The following PFKFB3 variants were observed in gnomAD, a reference collection of about 807,000 sequenced individuals.
PFKFB3 encodes 6-phosphofructo-2-kinase/fructose-2,6-bisphosphatase 3.
Under a neutral mutation model 68.0 loss-of-function variants are expected in PFKFB3, and 33 were observed. The ratio of observed to expected loss-of-function variants is 0.49; its 90% CI spans 0.37 to 0.65. PFKFB3 has a LOEUF of 0.65. Among genes scored for constraint, PFKFB3 ranks in the 30% least tolerant of loss-of-function variants. The probability of loss-of-function intolerance (pLI) is 0.00; values close to 1 mark genes in which losing one functional copy is unlikely to be tolerated. For missense variants in PFKFB3, 586 were observed against 712.2 expected, an observed-to-expected ratio of 0.82 and a Z score of 2.02; for synonymous variants, 315 against 288.2, an observed-to-expected ratio of 1.09 and a Z score of -0.94.
downstream of PFKFB3, among the ~76,000 whole-genome samples, chr10:6,255,728 T>C (rs1405178174): frequency 1.3e-5 from 2 of 152,154 alleles, no homozygotes; most frequent in Admixed American, 1.3e-4. Context: ...ACAACAGCAG[T>C]CGGCTGGGGA....
chr10:6,220,717 A>G lies in PFKFB3; in HGVS notation c.683A>G (p.Gln228Arg), dbSNP rs1844894199. ...CGGAGGTTCCTGGTGAACCGGGTGC[A>G]GGACCACATCCAGAGCCGCATCGTG... The part of the protein sequence containing the change: ...VGRRFLVNRV[Q>R]DHIQSRIVYY... Residue 228 changes from glutamine (Q) to arginine (R), a missense_variant, in exon 8 of 15, where the codon CAG becomes CGG. Physicochemically the swap from Gln to Arg is conservative, Grantham distance 43 (BLOSUM62 1). Transcript: ENST00000379775. This position sits in a 1 kb window ranked among gnomAD's most constrained non-coding sequence, Gnocchi z 4.1. 1.2e-6 allele frequency: 2 copies of G among 1,614,108 alleles called. No individual in the cohort carries two copies. The highest frequency in any genetic ancestry group is 1.7e-6 in the Non-Finnish European group (2 of 1,180,026).
rs149236843 is a variant in PFKFB3 at position 6,150,893 on chromosome 10, G to A, written c.16+5880G>A. Among the ~76,000 whole-genome samples the A allele has an allele frequency of 5.7e-3, 863 of 152,142 alleles. 6 individuals carry two copies. The highest frequency in any genetic ancestry group is 0.041 in the South Asian group (199 of 4,818). ...GGGCACCTGTAATTTCAGCTATTCC[G>A]GAGGCTGAGGCAGGAGAACCGCTTG... On this transcript the variant is annotated intron_variant, in intron 1 of 14. Transcript: ENST00000379789.
chr10:6,193,430 T>A (rs1843085402), intron 1 of PFKFB3, among the ~76,000 whole-genome samples: 1 of 152,230 alleles, frequency 6.6e-6, no homozygotes, highest in Non-Finnish European at 1.5e-5. Flanking sequence ...AAACATTCAT[T>A]CATTCATTAA....
At chr10:6,231,247 C>G (rs989810789) in intron 14 of PFKFB3, 1 of 1,539,388 alleles carries the variant, frequency 6.5e-7, no homozygotes. Flanking sequence ...TTCCTCTCCC[C>G]CACTCTGCTT....
rs116885721 is a variant in PFKFB3 at position 6,253,769 on chromosome 10, C to T, written c.1516-409C>T. Among the ~76,000 whole-genome samples, 2,014 of 152,148 alleles carry T rather than the reference C, an allele frequency of 0.013. 107 individuals are homozygous for T. In the South Asian group the frequency reaches 0.17, roughly 12 times the overall value. Reference sequence around the variant, plus strand: ...AGGAAGGTGATATGCTGGCTGGGCACGGTGGCTCACGCCTGTAATCCCAGC... The same window carrying T: ...AGGAAGGTGATATGCTGGCTGGGCATGGTGGCTCACGCCTGTAATCCCAGC... On this transcript the variant is annotated intron_variant, in intron 14 of 14. Transcript: ENST00000640683.
chr10:6,246,450 C>A (rs1317225519), intron 14 of PFKFB3, among the ~76,000 whole-genome samples: 2 of 151,514 alleles, frequency 1.3e-5, no homozygotes, highest in Non-Finnish European at 2.9e-5. Context: ...GCAATTCTTC[C>A]TGCCCCAGCC....
intron 1 of PFKFB3, among the ~76,000 whole-genome samples, chr10:6,159,017 T>C (rs561808588): frequency 4.2e-4 from 64 of 152,308 alleles, no homozygotes; most frequent in African/African-American, 1.5e-3. Context: ...TAAATTATTC[T>C]TAGTATATTC....
chr10:6,160,858 A>C (rs1841948232), intron 1 of PFKFB3, among the ~76,000 whole-genome samples: 1 of 152,208 alleles, frequency 6.6e-6, no homozygotes, highest in Admixed American at 6.5e-5. Context: ...ATGAGAAGTT[A>C]AAAGAGAAAT....
At chr10:6,278,454 T>G in the PFKFB3 span, among the ~76,000 whole-genome samples, 1 of 151,868 alleles carries the variant, frequency 6.6e-6, no homozygotes, top group South Asian at 2.1e-4. Context: ...TTTTGTAATT[T>G]TTAGTAGAGA....
chr10:6,235,271 A>G lies in PFKFB3; in HGVS notation c.*2329A>G, dbSNP rs1274073771. On this transcript the variant is annotated 3_prime_UTR_variant, in exon 15 of 15. Coordinates refer to ENST00000379775, the MANE Select transcript of PFKFB3 (RefSeq NM_004566.4). ...TGTAATACTTGAAATTTATTTTTTT[A>G]TTATTTTGATAGCAGATGTGCTATT... The G allele has an allele frequency of 6.6e-6, 1 of 152,584 alleles. No individual in the cohort carries two copies. The highest frequency in any genetic ancestry group is 1.5e-5 in the Non-Finnish European group (1 of 68,016). The allele number at this position is 152,584 out of a possible 1,614,324, so 9.5% of individuals were successfully genotyped here.
chr10:6,307,514 C>T, the PFKFB3 span, among the ~76,000 whole-genome samples: 2 of 18,152 alleles, frequency 1.1e-4, no homozygotes, highest in Non-Finnish European at 4.2e-4. Flanking sequence ...TCTCTTTTTC[C>T]TTCCTTCCTT....
intron 1 of PFKFB3, among the ~76,000 whole-genome samples, chr10:6,181,211 A>G (rs1379206832): frequency 6.6e-6 from 1 of 152,128 alleles, no homozygotes; most frequent in African/African-American, 2.4e-5. Flanking sequence ...TGTAGAGATA[A>G]AGTCTTGCTG....
chr10:6,232,689 T>A (rs1186266334), intron 14 of PFKFB3, among the ~76,000 whole-genome samples: 1 of 151,028 alleles, frequency 6.6e-6, no homozygotes, highest in Non-Finnish European at 1.5e-5. Flanking sequence ...TCTCTGAGAC[T>A]CTGGGGTTAT....
intron 1 of PFKFB3, among the ~76,000 whole-genome samples, chr10:6,155,220 T>TTTTTTG (rs1554839912): frequency 6.8e-6 from 1 of 148,016 alleles, no homozygotes; most frequent in Non-Finnish European, 1.5e-5. Context: ...TTTTTTTTTT[T>TTTTTTG]GAGACGGAGT....
intron 6 of PFKFB3, among the ~76,000 whole-genome samples, chr10:6,218,346 G>GC (rs1844727998): frequency 5.0e-5 from 1 of 20,132 alleles, no homozygotes; most frequent in African/African-American, 5.8e-5. Flanking sequence ...TGTGAACTTA[G>GC]ATTTTTTTTT....
chr10:6,205,050 G>A (rs1230516989), intron 1 of PFKFB3, among the ~76,000 whole-genome samples: 2 of 152,230 alleles, frequency 1.3e-5, no homozygotes, highest in East Asian at 3.8e-4. Flanking sequence ...CACACGCAGT[G>A]AGAGATTTGC....
chr10:6,265,254 T>A, the PFKFB3 span, among the ~76,000 whole-genome samples: 1 of 152,022 alleles, frequency 6.6e-6, no homozygotes, highest in Non-Finnish European at 1.5e-5. Context: ...CTAATTTTTG[T>A]ATTTTTAGTA....
In PFKFB3 at chr10:6,221,707, G is replaced by C; in HGVS notation, c.1045G>C (p.Glu349Gln). 6.2e-7 allele frequency: 1 copy of C among 1,608,768 alleles called. No individual in the cohort carries two copies. Among genetic ancestry groups the C allele is most frequent in the Non-Finnish European group, 8.5e-7 (1 of 1,178,270 alleles). Reference protein sequence around the residue: ...DTYPEEYALREQDKYYYRYPT... With the variant: ...DTYPEEYALRQQDKYYYRYPT... Reference sequence around the variant, plus strand: ...CTACCCTGAGGAGTATGCGCTGCGGGAGCAGGACAAGTACTATTACCGCTA... The same window carrying C: ...CTACCCTGAGGAGTATGCGCTGCGGCAGCAGGACAAGTACTATTACCGCTA... Residue 349 changes from glutamate (E) to glutamine (Q), a missense_variant, in exon 10 of 15, where the codon GAG (glutamate) becomes CAG (glutamine). By Grantham distance (29) the Glu-to-Gln change is conservative. Coordinates refer to ENST00000379775, the MANE Select transcript of PFKFB3 (RefSeq NM_004566.4).
intron 1 of PFKFB3, chr10:6,145,142 G>A: frequency 2.9e-6 from 2 of 690,954 alleles, no homozygotes; most frequent in Non-Finnish European, 4.1e-6. Context: ...CGGCGGTGCC[G>A]CCCGGGGCCA....
Sources: gnomAD v4.1 joint callset for allele counts (sites outside exome capture counted in the v4.1 genomes callset) on GRCh38, gnomAD v4.1.1 for gene constraint, Gnocchi (gnomAD v3.1) non-coding constraint, MANE v1.5 for transcripts, NCBI Gene and HGNC (gene_info 2026-07-23, HGNC 2026-07-21) for gene names.